The following NBAS variants were observed in gnomAD, a reference collection of about 807,000 sequenced individuals.
The protein encoded by NBAS is NBAS subunit of NRZ tethering complex.
A neutral mutation model predicts 302.5 loss-of-function variants in NBAS; 219 were observed. The ratio of observed to expected loss-of-function variants is 0.72; its 90% CI spans 0.65 to 0.81. NBAS has a LOEUF of 0.81. Ranked by LOEUF, NBAS falls within the 30% of genes least tolerant of loss-of-function variation. NBAS has a pLI of 0.00. For synonymous variants in NBAS, 1,118 were observed against 1,021.6 expected, an observed-to-expected ratio of 1.09 and a Z score of -1.80; for missense variants, 2,932 against 2,841.6, an observed-to-expected ratio of 1.03 and a Z score of -0.72.
intron 21 of NBAS, among the ~76,000 whole-genome samples, chr2:15,449,559 C>A (rs1243506141): frequency 1.3e-5 from 2 of 151,368 alleles, no homozygotes; most frequent in East Asian, 1.9e-4. Context: ...TACTGACTTA[C>A]ACCTTCTTAA....
intron 48 of NBAS, among the ~76,000 whole-genome samples, chr2:15,195,346 G>A (rs555794127): frequency 1.0e-3 from 152 of 152,276 alleles, no homozygotes; most frequent in African/African-American, 3.5e-3. Flanking sequence ...CTCTTGCTGG[G>A]TAAACAAAGT....
chr2:14,816,919 T>A, the NBAS span, among the ~76,000 whole-genome samples: 271 of 152,210 alleles, frequency 1.8e-3, 8 homozygotes, highest in Non-Finnish European at 6.8e-4. Flanking sequence ...GAACTCATCC[T>A]GTGAAAGTCT....
the NBAS span, among the ~76,000 whole-genome samples, chr2:15,090,868 TC>T: frequency 1.3e-5 from 2 of 152,180 alleles, no homozygotes; most frequent in Admixed American, 1.3e-4. Context: ...CTTTCAGAAG[TC>T]CTAATTAGCA....
At chr2:14,782,332 A>C in the NBAS span, among the ~76,000 whole-genome samples, 1 of 152,208 alleles carries the variant, frequency 6.6e-6, no homozygotes, top group Non-Finnish European at 1.5e-5. Context: ...GAGGACATAC[A>C]TGTGGCCAAC....
chr2:15,352,292 G>C (rs1420960260), intron 34 of NBAS, among the ~76,000 whole-genome samples: 1 of 152,158 alleles, frequency 6.6e-6, no homozygotes, highest in African/African-American at 2.4e-5. Flanking sequence ...TGAAAAAAAT[G>C]ATATACAATG....
Position 15,374,706 on chromosome 2 carries a change from A to T in NBAS, c.3605T>A (p.Leu1202Gln), listed in dbSNP as rs750236033. 3 of 1,613,684 alleles carry T rather than the reference A, an allele frequency of 1.9e-6. No individual in the cohort carries two copies. Among genetic ancestry groups the T allele is most frequent in the Non-Finnish European group, 2.5e-6 (3 of 1,179,656 alleles). The stretch of plus-strand genomic sequence containing the variant: ...AATGGCAGGGGGTCTGTCTGTTATC[A>T]GTTGTAAGCAGCACCTAGAAGAAAT... ...CMDLARCCLQ[L>Q]ITDRPPAIQE... The change falls in exon 31 of 52, where the codon CTG becomes CAG. Residue 1202 changes from leucine to glutamine, a missense_variant. Transcript: ENST00000281513.
At chr2:14,932,525 C>T in the NBAS span, among the ~76,000 whole-genome samples, 4 of 152,212 alleles carry the variant, frequency 2.6e-5, no homozygotes, top group Non-Finnish European at 5.9e-5. Context: ...TTTTCCATTG[C>T]ATCATCTGCT....
chr2:15,040,038 G>A, the NBAS span, among the ~76,000 whole-genome samples: 1 of 152,144 alleles, frequency 6.6e-6, no homozygotes, highest in Non-Finnish European at 1.5e-5. Flanking sequence ...AGAGAGAGAG[G>A]AGCACTCTGC....
the NBAS span, among the ~76,000 whole-genome samples, chr2:15,090,748 T>C: frequency 4.7e-4 from 72 of 152,316 alleles, no homozygotes; most frequent in African/African-American, 1.7e-3. Flanking sequence ...CATTCCTTAT[T>C]TGGAAAAGCC....
the NBAS span, among the ~76,000 whole-genome samples, chr2:14,860,829 G>A: frequency 8.1e-4 from 124 of 152,226 alleles, no homozygotes; most frequent in African/African-American, 2.7e-3. Flanking sequence ...AAAATAGCTC[G>A]AAGAGAGTAA....
the NBAS span, among the ~76,000 whole-genome samples, chr2:14,879,162 T>C: frequency 6.6e-6 from 1 of 152,244 alleles, no homozygotes; most frequent in Non-Finnish European, 1.5e-5. Flanking sequence ...CACTGAATAA[T>C]ATTCCATTGG....
the NBAS span, among the ~76,000 whole-genome samples, chr2:15,053,564 C>A: frequency 3.3e-5 from 5 of 152,174 alleles, no homozygotes; most frequent in Non-Finnish European, 7.3e-5. Context: ...TTGACACAGT[C>A]TGAGTTAAAC....
the NBAS span, among the ~76,000 whole-genome samples, chr2:15,142,915 T>C: frequency 6.6e-6 from 1 of 152,202 alleles, no homozygotes; most frequent in East Asian, 1.9e-4. Flanking sequence ...ATAGTTTTTA[T>C]AATTAAAGGT....
At chr2:15,460,042 T>C (rs1252833794) in intron 21 of NBAS, among the ~76,000 whole-genome samples, 1 of 152,140 alleles carries the variant, frequency 6.6e-6, no homozygotes, top group Non-Finnish European at 1.5e-5. Flanking sequence ...TCTATACATG[T>C]TGACCATCAT....
the NBAS span, among the ~76,000 whole-genome samples, chr2:14,960,469 C>T: frequency 3.9e-5 from 6 of 152,178 alleles, no homozygotes; most frequent in Admixed American, 6.5e-5. Context: ...ACCTTCTGTG[C>T]ATTAAGTCTT....
intron 47 of NBAS, among the ~76,000 whole-genome samples, chr2:15,230,123 A>C (rs1344377528): frequency 6.6e-6 from 1 of 152,132 alleles, no homozygotes; most frequent in Non-Finnish European, 1.5e-5. Flanking sequence ...AAGGCCTGGC[A>C]CGGGCTCCTA....
At chr2:15,487,237 C>G (rs950099961) in intron 12 of NBAS, among the ~76,000 whole-genome samples, 1 of 152,188 alleles carries the variant, frequency 6.6e-6, no homozygotes, top group Non-Finnish European at 1.5e-5. Flanking sequence ...ACTTTATCAT[C>G]ATGCATTGAT....
chr2:15,068,780 A>AATCT, the NBAS span, among the ~76,000 whole-genome samples: 1 of 152,186 alleles, frequency 6.6e-6, no homozygotes, highest in African/African-American at 2.4e-5. Flanking sequence ...TTCTAAACAC[A>AATCT]ATCTCTTTAT....
intron 21 of NBAS, among the ~76,000 whole-genome samples, chr2:15,454,805 C>A (rs1239005997): frequency 1.3e-5 from 2 of 152,194 alleles, no homozygotes; most frequent in East Asian, 3.8e-4. Context: ...CTGATACTCA[C>A]CTTCCATAAG....
Sources: gnomAD v4.1 joint callset for allele counts (sites outside exome capture counted in the v4.1 genomes callset) on GRCh38, gnomAD v4.1.1 for gene constraint, MANE v1.5 for transcripts, NCBI Gene and HGNC (gene_info 2026-07-23, HGNC 2026-07-21) for gene names.